SPG11: variants seen among roughly 807,000 people sequenced by gnomAD.
The protein encoded by SPG11 is SPG11 vesicle trafficking associated, spatacsin, also known as spatacsin.
In SPG11, 222 loss-of-function variants were observed where a neutral mutation model predicts 274.0. The observed-to-expected ratio is 0.81, with a 90% CI of 0.73 to 0.91. The LOEUF is 0.91. SPG11 is among the 40% of genes least tolerant of loss of function. SPG11 has a pLI of 0.00. For missense variants in SPG11, 3,114 were observed against 2,872.7 expected (o/e 1.08, Z -1.92); for synonymous variants, 1,144 against 1,039.7 (o/e 1.10, Z -1.93).
intron 20 of SPG11, among the ~76,000 whole-genome samples, chr15:44,600,891 C>T (rs546467038): frequency 5.3e-5 from 8 of 152,302 alleles, no homozygotes; most frequent in African/African-American, 1.4e-4. Flanking sequence ...CGGTGGCTCA[C>T]GCCTGTAATC....
At chr15:44,576,627 C>T (rs551232147) in intron 30 of SPG11, among the ~76,000 whole-genome samples, 16 of 147,638 alleles carry the variant, frequency 1.1e-4, no homozygotes, top group African/African-American at 3.3e-4. Context: ...CCAGCCTGGG[C>T]GACAGAGCGA....
At chr15:44,646,411 A>G (rs2084612545) in intron 7 of SPG11, among the ~76,000 whole-genome samples, 1 of 152,210 alleles carries the variant, frequency 6.6e-6, no homozygotes, top group Non-Finnish European at 1.5e-5. Context: ...CATGCCTTAC[A>G]TGGTGGCAGA....
chr15:44,562,919 A>G lies in SPG11; in HGVS notation c.*202T>C, dbSNP rs2082221818. The G allele has an allele frequency of 5.2e-6, 3 of 576,466 alleles. No individual in the cohort carries two copies. The highest frequency in any genetic ancestry group is 3.7e-5 in the African/African-American group (2 of 53,398). 35.7% of individuals were successfully genotyped at this position (576,466 alleles called of 1,614,324 possible). The stretch of plus-strand genomic sequence containing the variant: ...TATCTATATAAAATGGTGTGGATGA[A>G]CAATCATCTAAAATCAATCTATTTT... On this transcript the variant is annotated 3_prime_UTR_variant, in exon 40 of 40. Transcript: ENST00000261866.
chr15:44,593,975 G>A (rs1356364396), intron 26 of SPG11, among the ~76,000 whole-genome samples: 1 of 141,084 alleles, frequency 7.1e-6, no homozygotes, highest in Non-Finnish European at 1.5e-5. Flanking sequence ...TTGCCATGTT[G>A]GCCAGGCTCA....
In SPG11 at chr15:44,615,422, A is replaced by G; in HGVS notation, c.2979T>C (p.Ile993=). The change falls in exon 16 of 40, where the codon ATT becomes ATC. Residue 993 remains isoleucine, a synonymous_variant. Coordinates refer to ENST00000261866, the MANE Select transcript of SPG11 (RefSeq NM_025137.4). ...GCAGACTGTGCTCCAAACAATAGAG[A>G]ATGAATTGAGAATGGAAATCCCAAC... ...KEGWDFHSQF[I]LYCLEHSLQH... is the part of the protein sequence containing the mutation. The G allele has an allele frequency of 1.2e-6, 2 of 1,614,114 alleles. No homozygotes were observed. The highest frequency in any genetic ancestry group is 1.7e-6 in the Non-Finnish European group (2 of 1,179,996).
chr15:44,564,422 C>T (rs2082268138), intron 39 of SPG11, 125 bp downstream of exon 39: 4 of 894,656 alleles, frequency 4.5e-6, no homozygotes, highest in East Asian at 2.5e-5. Flanking sequence ...ATTCTTGATA[C>T]TGCTTTGCCA....
At chr15:44,598,916 T>C in intron 21 of SPG11, 80 bp from the exon 22 acceptor site, 1 of 1,384,112 alleles carries the variant, frequency 7.2e-7, no homozygotes, top group East Asian at 2.4e-5. Flanking sequence ...ATTAAATCAG[T>C]GACAGAGGGA....
chr15:44,623,609 T>A (rs2083814744), intron 11 of SPG11, among the ~76,000 whole-genome samples: 1 of 152,130 alleles, frequency 6.6e-6, no homozygotes, highest in Non-Finnish European at 1.5e-5. Context: ...AAAGTTCAAG[T>A]GGAGATGTTA....
intron 6 of SPG11, among the ~76,000 whole-genome samples, chr15:44,649,635 T>C (rs1255895425): frequency 1.3e-5 from 2 of 152,092 alleles, no homozygotes; most frequent in Non-Finnish European, 2.9e-5. Context: ...CTCCTGCCTG[T>C]AATCCCAGCA....
At chr15:44,586,775 G>A (rs2082774340) in intron 28 of SPG11, among the ~76,000 whole-genome samples, 1 of 152,152 alleles carries the variant, frequency 6.6e-6, no homozygotes, top group Non-Finnish European at 1.5e-5. Flanking sequence ...CATTCAGACT[G>A]GTCTCTCTCT....
intron 15 of SPG11, among the ~76,000 whole-genome samples, chr15:44,619,366 A>C (rs1454576634): frequency 6.6e-6 from 1 of 152,252 alleles, no homozygotes; most frequent in Admixed American, 6.5e-5. Flanking sequence ...GAAATGGTTG[A>C]TATTCAGTCA....
In SPG11 at chr15:44,573,714, G is replaced by A. The variant is rs745997529; in HGVS notation, c.6038C>T (p.Ala2013Val). Residue 2013 changes from alanine (A) to valine (V), a missense_variant, in exon 32 of 40, where the codon GCT (alanine) becomes GTT (valine). Physicochemically the swap from Ala to Val is moderately conservative, Grantham distance 64. Coordinates refer to ENST00000261866, the MANE Select transcript of SPG11 (RefSeq NM_025137.4). ...ELGCSYTDVA[A>V]QDGEAMLRKI... ...CCGGAGCATGGCTTCACCATCCTGA[G>A]CAGCAACATCTGTGTAGGAACAGCC... is the stretch of plus-strand genomic sequence containing the variant. 2 of 1,614,242 alleles carry A rather than the reference G, an allele frequency of 1.2e-6. No individual in the cohort carries two copies. The highest frequency in any genetic ancestry group is 2.2e-5 in the East Asian group (1 of 44,888).
At chr15:44,605,393 T>C (rs1015038897) in intron 20 of SPG11, among the ~76,000 whole-genome samples, 2 of 152,184 alleles carry the variant, frequency 1.3e-5, no homozygotes, top group Middle Eastern at 3.2e-3. Flanking sequence ...ATTGGGTACA[T>C]ACTATGTACA....
intron 27 of SPG11, among the ~76,000 whole-genome samples, chr15:44,591,615 T>C (rs2082900759): frequency 6.6e-6 from 1 of 152,210 alleles, no homozygotes; most frequent in Non-Finnish European, 1.5e-5. Flanking sequence ...TTTAGAATCC[T>C]AGGCATATTC....
At chr15:44,603,476 T>C (rs922608035) in intron 20 of SPG11, among the ~76,000 whole-genome samples, 29 of 152,244 alleles carry the variant, frequency 1.9e-4, no homozygotes, top group Admixed American at 3.3e-4. Context: ...CTTTCTGATG[T>C]TGTATTCATA....
In SPG11 at chr15:44,572,702, G is replaced by C. The variant is rs769528670; in HGVS notation, c.6324C>G (p.Pro2108=). 1 of 1,614,108 alleles carries C rather than the reference G, an allele frequency of 6.2e-7. No homozygotes were observed. Among genetic ancestry groups the C allele is most frequent in the Admixed American group, 1.7e-5 (1 of 60,012 alleles). The change falls in exon 33 of 40, where the codon CCC becomes CCG. Residue 2108 remains proline, a synonymous_variant. Coordinates refer to ENST00000261866, the MANE Select transcript of SPG11 (RefSeq NM_025137.4). ...MKLLDKISSV[P]HGELSCTTEL... is the part of the protein sequence containing the mutation. ...ACTTACTGCAAGACAGTTCCCCATG[G>C]GGAACGGAGGAAATCTTATCCAACA...
At position 44,663,625 on chromosome 15, in the gene SPG11, G is replaced by T. The variant is rs200939573; in HGVS notation, c.23C>A (p.Ala8Glu). MAAEEGV[A>E]SAASAGGSWG... ...GCTACCGCCGGCGGAAGCAGCACTC[G>T]CGACCCCTTCCTCTGCAGCCATCTT... Residue 8 changes from alanine to glutamate, a missense_variant, in exon 1 of 40, where the codon GCG becomes GAG. By Grantham distance (107) the Ala-to-Glu change is moderately radical. Coordinates refer to ENST00000261866, the MANE Select transcript of SPG11 (RefSeq NM_025137.4). 3.1e-6 allele frequency: 5 copies of T among 1,595,948 alleles called. No individual in the cohort carries two copies. The East Asian group carries it at 1.1e-4, about 36-fold the overall frequency.
chr15:44,584,685 G>A (rs1436400358), intron 29 of SPG11, 127 bp from the exon 30 acceptor site: 1 of 1,160,208 alleles, frequency 8.6e-7, no homozygotes, highest in Non-Finnish European at 1.2e-6. Flanking sequence ...CTGGAGAGCA[G>A]TGGTGGCGAT....
At chr15:44,591,719 T>C (rs1239887255) in intron 27 of SPG11, among the ~76,000 whole-genome samples, 1 of 152,164 alleles carries the variant, frequency 6.6e-6, no homozygotes, top group African/African-American at 2.4e-5. Flanking sequence ...ATGCCTGTCA[T>C]CCCAACACTT....
Sources: allele counts gnomAD v4.1 joint callset (sites outside exome capture counted in the v4.1 genomes callset), GRCh38; gene constraint gnomAD v4.1.1; transcripts MANE v1.5; gene names NCBI Gene and HGNC (gene_info 2026-07-23, HGNC 2026-07-21).